Variants in ZNF385D observed in about 807,000 individuals in gnomAD.
ZNF385D encodes the protein zinc finger protein 659.
Under a neutral mutation model 35.8 loss-of-function variants are expected in ZNF385D, and 15 were observed. That is an observed-to-expected ratio of 0.42 (90% CI 0.28 to 0.64). The LOEUF (loss-of-function observed/expected upper bound fraction) is 0.64. Among genes scored for constraint, ZNF385D ranks in the 30% least tolerant of loss-of-function variants. The pLI is 0.23. For synonymous variants in ZNF385D, 212 were observed against 186.8 expected, an observed-to-expected ratio of 1.13 and a Z score of -1.10; for missense variants, 474 against 494.6, an observed-to-expected ratio of 0.96 and a Z score of 0.39.
chr3:21,941,450 G>A (rs1422776984), intron 3 of ZNF385D, among the ~76,000 whole-genome samples: 1 of 150,062 alleles, frequency 6.7e-6, no homozygotes, highest in African/African-American at 2.5e-5. Context: ...GATTAAGCAG[G>A]ATGTTTTCTA....
At chr3:21,654,506 C>T (rs1309562588) in intron 2 of ZNF385D, among the ~76,000 whole-genome samples, 1 of 151,926 alleles carries the variant, frequency 6.6e-6, no homozygotes, top group Admixed American at 6.6e-5. Context: ...ATATGAATTA[C>T]CTAAATAACT....
chr3:22,145,709 T>C (rs992949516), intron 3 of ZNF385D, among the ~76,000 whole-genome samples: 6 of 152,074 alleles, frequency 3.9e-5, no homozygotes, highest in African/African-American at 7.2e-5. Context: ...AATCAGTACA[T>C]TGATAAGAAT....
intron 1 of ZNF385D, among the ~76,000 whole-genome samples, chr3:21,706,031 G>A (rs142188666): frequency 1.3e-5 from 2 of 152,280 alleles, no homozygotes; most frequent in African/African-American, 2.4e-5. Context: ...CCCTGTACAC[G>A]ACAGAACATC....
intron 3 of ZNF385D, among the ~76,000 whole-genome samples, chr3:21,987,251 T>G (rs1446497123): frequency 7.1e-6 from 1 of 141,676 alleles, no homozygotes; most frequent in East Asian, 2.0e-4. Context: ...TTGATGCAGT[T>G]TCTTCCTAGT....
At chr3:21,708,816 TTTAA>T (rs777394416) in intron 1 of ZNF385D, among the ~76,000 whole-genome samples, 3 of 152,014 alleles carry the variant, frequency 2.0e-5, no homozygotes. Context: ...TCTAAATCTG[TTTAA>T]TTAAGCCAAT....
chr3:22,261,999 G>A (rs1026762585), intron 2 of ZNF385D, among the ~76,000 whole-genome samples: 7 of 151,920 alleles, frequency 4.6e-5, no homozygotes, highest in Admixed American at 4.6e-4. Context: ...CTGACTGGTA[G>A]AAATAGATTG....
rs1406636036 is a variant in ZNF385D, at chr3:22,179,307, T to G, written c.107-10272A>C. 5.9e-5 allele frequency among the ~76,000 whole-genome samples: 9 copies of G among 152,176 alleles called. No individual in the cohort carries two copies. The East Asian group carries it at 7.7e-4, about 13-fold the overall frequency. ...CCTTGAAGAGGTCCTTCACATCCCTTGTAAGTTGGATTCCTAGGTATTTTA... is the reference window on the plus strand; with the variant it reads ...CCTTGAAGAGGTCCTTCACATCCCTGGTAAGTTGGATTCCTAGGTATTTTA... On this transcript the variant is annotated intron_variant, in intron 2 of 5. Coordinates refer to the ZNF385D transcript ENST00000494108.
At chr3:22,325,482 G>A (rs781453436) in intron 2 of ZNF385D, among the ~76,000 whole-genome samples, 4 of 152,054 alleles carry the variant, frequency 2.6e-5, no homozygotes, top group Non-Finnish European at 4.4e-5. Flanking sequence ...TTGGGCCATC[G>A]GACAGGCACG....
intron 3 of ZNF385D, among the ~76,000 whole-genome samples, chr3:22,044,609 G>T (rs1698871195): frequency 6.6e-6 from 1 of 152,088 alleles, no homozygotes; most frequent in Non-Finnish European, 1.5e-5. Context: ...AGGTGGTGAT[G>T]AATTTTGGAG....
chr3:22,010,783 T>G (rs1400559987), intron 3 of ZNF385D, among the ~76,000 whole-genome samples: 1 of 152,238 alleles, frequency 6.6e-6, no homozygotes, highest in Non-Finnish European at 1.5e-5. Flanking sequence ...TGAGCTTCTG[T>G]ATGAATAATT....
chr3:22,210,167 C>T (rs1282691836), intron 2 of ZNF385D, among the ~76,000 whole-genome samples: 1 of 151,860 alleles, frequency 6.6e-6, no homozygotes. Context: ...GATAACTGCA[C>T]TGCTGTGCTT....
chr3:21,480,309 A>G (rs537180201), intron 4 of ZNF385D, among the ~76,000 whole-genome samples: 5 of 152,020 alleles, frequency 3.3e-5, no homozygotes, highest in African/African-American at 1.2e-4. Flanking sequence ...CACCATGTTG[A>G]TCAGGCTGAT....
intron 3 of ZNF385D, chr3:21,849,673 C>T (rs1052978099): frequency 7.3e-6 from 1 of 136,186 alleles, no homozygotes; most frequent in African/African-American, 2.7e-5. Context: ...CTGAATCACT[C>T]TCATATCTTC....
intron 3 of ZNF385D, among the ~76,000 whole-genome samples, chr3:21,902,910 T>C (rs1222293861): frequency 6.6e-6 from 1 of 152,114 alleles, no homozygotes; most frequent in Non-Finnish European, 1.5e-5. Context: ...ACTGAAGAGT[T>C]TTATTTTGAT....
intron 2 of ZNF385D, among the ~76,000 whole-genome samples, chr3:21,654,693 G>A (rs114208529): frequency 0.021 from 3,233 of 152,010 alleles, 70 homozygotes; most frequent in Non-Finnish European, 0.025. Flanking sequence ...AAAATAAAAT[G>A]AAATAGACTT....
intron 3 of ZNF385D, among the ~76,000 whole-genome samples, chr3:22,013,016 GGAA>G (rs1696670985): frequency 6.6e-6 from 1 of 151,994 alleles, no homozygotes; most frequent in South Asian, 2.1e-4. Flanking sequence ...TTTAGAAACT[GGAA>G]GACCATTAGC....
At chr3:22,042,226 CA>C (rs1257847488) in intron 3 of ZNF385D, among the ~76,000 whole-genome samples, 1 of 152,084 alleles carries the variant, frequency 6.6e-6, no homozygotes, top group Non-Finnish European at 1.5e-5. Flanking sequence ...CTACAAACCT[CA>C]TTTCTTAATC....
chr3:21,965,219 A>G (rs1449824676), intron 3 of ZNF385D, among the ~76,000 whole-genome samples: 2 of 152,224 alleles, frequency 1.3e-5, no homozygotes, highest in Non-Finnish European at 2.9e-5. Flanking sequence ...TTTATCTGCA[A>G]AATGGGTTTA....
chr3:21,879,069 A>G (rs1017821312), intron 3 of ZNF385D, among the ~76,000 whole-genome samples: 4 of 152,012 alleles, frequency 2.6e-5, no homozygotes, highest in Admixed American at 2.6e-4. Context: ...TCATTTGAAT[A>G]CTTCTCAAGT....
Sources: gnomAD v4.1 joint callset for allele counts (sites outside exome capture counted in the v4.1 genomes callset) on GRCh38, gnomAD v4.1.1 for gene constraint, MANE v1.5 for transcripts, NCBI Gene and HGNC (gene_info 2026-07-23, HGNC 2026-07-21) for gene names.